Variants in TBCD observed in about 807,000 individuals in gnomAD.
TBCD encodes the protein tubulin folding cofactor D.
TBCD carries 105 observed loss-of-function variants against 169.3 expected under a neutral mutation model. The ratio of observed to expected loss-of-function variants is 0.62; its 90% confidence interval spans 0.53 to 0.73. The LOEUF is 0.73. TBCD is among the 30% of genes least tolerant of loss of function. The probability of loss-of-function intolerance (pLI) is 0.00; values close to 1 mark genes in which losing one functional copy is unlikely to be tolerated. For synonymous variants in TBCD, 700 were observed against 643.9 expected, an observed-to-expected ratio of 1.09 and a Z score of -1.32; for missense variants, 1,444 against 1,600.1, an observed-to-expected ratio of 0.90 and a Z score of 1.66.
At chr17:82,932,934 C>T in intron 34 of TBCD, 199 bp downstream of exon 34, 1 of 603,564 alleles carries the variant, frequency 1.7e-6, no homozygotes, top group South Asian at 2.0e-5. Flanking sequence ...TACATAATGA[C>T]ATATTATGAC....
At position 82,777,164 on chromosome 17, in the gene TBCD, A is replaced by G. The variant is rs2048652226; in HGVS notation, c.639-4425A>G. On this transcript the variant is annotated intron_variant, in intron 6 of 38. Coordinates refer to ENST00000355528, the MANE Select transcript of TBCD (RefSeq NM_005993.5). Reference sequence around the variant, plus strand: ...TGCAGTCTTATTAAGAGATTTAACAAGTAGTCATTTATATTTTTCTCTACC... The same window carrying G: ...TGCAGTCTTATTAAGAGATTTAACAGGTAGTCATTTATATTTTTCTCTACC... Among the ~76,000 whole-genome samples, 3 of 152,222 alleles carry G rather than the reference A, an allele frequency of 2.0e-5. No individual in the cohort carries two copies. In the South Asian group the frequency reaches 6.2e-4, roughly 32 times the overall value.
At chr17:82,786,792 A>G (rs559596624) in intron 7 of TBCD, among the ~76,000 whole-genome samples, 1 of 144,120 alleles carries the variant, frequency 6.9e-6, no homozygotes, top group South Asian at 2.2e-4. Context: ...CTAGTTCTGC[A>G]GTTTCTTTGT....
chr17:82,856,218 T>C lies in TBCD; in HGVS notation c.1319-14006T>C, dbSNP rs534230487. ...CTAAACTCACCAGCTTAAAATCATATGGTAGAATTTTACTCAACATACATC... is the reference window on the plus strand; with the variant it reads ...CTAAACTCACCAGCTTAAAATCATACGGTAGAATTTTACTCAACATACATC... On this transcript the variant is annotated intron_variant, in intron 13 of 38. Transcript: ENST00000355528. 2.5e-4 allele frequency among the ~76,000 whole-genome samples: 38 copies of C among 151,974 alleles called. 1 individual carries two copies. Among genetic ancestry groups the C allele is most frequent in the African/African-American group, 7.5e-4 (31 of 41,502 alleles).
At chr17:82,917,113 G>A (rs1324166902) in intron 23 of TBCD, among the ~76,000 whole-genome samples, 2 of 132,410 alleles carry the variant, frequency 1.5e-5, no homozygotes, top group Non-Finnish European at 3.1e-5. Flanking sequence ...TCCGCCTCCC[G>A]GGATTAAGCG....
chr17:82,755,591 G>A (rs1475196895), intron 1 of TBCD, among the ~76,000 whole-genome samples: 3 of 152,124 alleles, frequency 2.0e-5, no homozygotes, highest in Admixed American at 6.6e-5. Flanking sequence ...GAATTCCAAC[G>A]AGAGGAGGGT....
rs1405494641 is a variant in TBCD at position 82,924,993 on chromosome 17, G to T, written c.2315G>T (p.Arg772Leu). ...AELRNPEEMT[R>L]CGFSLALGAL... ...CTTCGGAACCCCGAGGAGATGACTC[G>T]CTGTGGCTTCTCGTTGGCCTTGGGC... The change falls in exon 27 of 39, where the codon CGC becomes CTC. Residue 772 changes from arginine to leucine, a missense_variant. Coordinates refer to ENST00000355528, the MANE Select transcript of TBCD (RefSeq NM_005993.5). 5 of 1,575,518 alleles carry T rather than the reference G, an allele frequency of 3.2e-6. No individual in the cohort carries two copies. Among genetic ancestry groups the T allele is most frequent in the Middle Eastern group, 1.7e-4 (1 of 6,040 alleles).
Position 82,833,948 on chromosome 17 carries a change from G to GTTT in TBCD, c.1318+19017_1318+19019dup, listed in dbSNP as rs141969015. ...ACGCCCAAGGCTGAGAACAAAGGCT[G>GTTT]TTTTTCTTTTTTTGAGACAGAGTTT... is the stretch of plus-strand genomic sequence containing the variant. On this transcript the variant is annotated intron_variant, in intron 13 of 38. Coordinates refer to ENST00000355528, the MANE Select transcript of TBCD (RefSeq NM_005993.5). The surrounding 1 kb of genome is among the most constrained non-coding windows in gnomAD (Gnocchi z 4.7). Among the ~76,000 whole-genome samples, 1 of 148,260 alleles carries GTTT rather than the reference G, an allele frequency of 6.7e-6. No homozygotes were observed.
At chr17:82,877,859 A>G (rs886394500) in intron 14 of TBCD, among the ~76,000 whole-genome samples, 7 of 152,216 alleles carry the variant, frequency 4.6e-5, no homozygotes, top group Non-Finnish European at 1.0e-4. Flanking sequence ...TAGAGAGGAA[A>G]ATGGAGTGCT....
intron 9 of TBCD, among the ~76,000 whole-genome samples, chr17:82,801,825 G>A (rs563253124): frequency 0.019 from 2,744 of 147,654 alleles, 77 homozygotes; most frequent in African/African-American, 0.066. Flanking sequence ...GCAGGAGGGC[G>A]GCGTGTGCGT....
At chr17:82,772,595 T>G in intron 6 of TBCD, 88 bp downstream of exon 6, 1 of 1,393,878 alleles carries the variant, frequency 7.2e-7, no homozygotes, top group Non-Finnish European at 1.0e-6. Flanking sequence ...GCGTCTTCAG[T>G]CCTCAGACGA....
At chr17:82,772,905 A>G (rs1290752847) in intron 6 of TBCD, among the ~76,000 whole-genome samples, 2 of 152,168 alleles carry the variant, frequency 1.3e-5, no homozygotes, top group Admixed American at 6.5e-5. Context: ...AAATCCCCCA[A>G]CGTCCTGTAT....
At position 82,923,533 on chromosome 17, in the gene TBCD, G is replaced by A; in HGVS notation, c.2179-119G>A. On this transcript the variant is annotated intron_variant, in intron 25 of 38. Transcript: ENST00000355528. This position sits in a 1 kb window ranked among gnomAD's most constrained non-coding sequence, Gnocchi z 4.6. ...CAGGCAGGGGCTGCTCTGACCTCAG[G>A]GTGACCACGGTGTCCCTGGTCAGGT... 1.2e-6 allele frequency: 1 copy of A among 818,324 alleles called. No individual in the cohort carries two copies. Among genetic ancestry groups the A allele is most frequent in the Non-Finnish European group, 2.0e-6 (1 of 508,726 alleles). 50.7% of individuals were successfully genotyped at this position (818,324 alleles called of 1,614,324 possible). A position where few individuals can be genotyped will look rare whatever the true frequency, so the allele number is the denominator to read the frequency against.
chr17:82,853,865 T>G (rs2056025496), intron 13 of TBCD, among the ~76,000 whole-genome samples: 1 of 152,224 alleles, frequency 6.6e-6, no homozygotes, highest in Admixed American at 6.5e-5. Flanking sequence ...TTGGGTGTCT[T>G]TGTCTTATTA....
At chr17:82,887,193 G>A (rs920447031) in intron 15 of TBCD, among the ~76,000 whole-genome samples, 18 of 147,254 alleles carry the variant, frequency 1.2e-4, no homozygotes, top group African/African-American at 3.3e-4. Context: ...GTGCGCTCAC[G>A]CGTTTACTTC....
chr17:82,930,767 C>T lies in TBCD; in HGVS notation c.3113+124C>T. 6.9e-7 allele frequency: 1 copy of T among 1,451,232 alleles called. No individual in the cohort carries two copies. The highest frequency in any genetic ancestry group is 9.3e-7 in the Non-Finnish European group (1 of 1,072,420). 89.9% of individuals were successfully genotyped at this position (1,451,232 alleles called of 1,614,324 possible). A position where few individuals can be genotyped will look rare whatever the true frequency, so the allele number is the denominator to read the frequency against. On this transcript the variant is annotated intron_variant, in intron 33 of 38. Coordinates refer to ENST00000355528, the MANE Select transcript of TBCD (RefSeq NM_005993.5). The surrounding 1 kb of genome is among the most constrained non-coding windows in gnomAD (Gnocchi z 5.2). ...TCTGAAGGGAGAAGCGAGACACACG[C>T]TGTACCAGTTGGTGGCTCAGCGAGG...
chr17:82,830,544 A>G (rs374328487), intron 13 of TBCD: 24 of 1,614,012 alleles, frequency 1.5e-5, no homozygotes, highest in Non-Finnish European at 1.7e-5. Context: ...GCCCATCCTC[A>G]GAACCTTCTG....
chr17:82,752,298 G>A lies in TBCD; in HGVS notation c.105G>A (p.Glu35=), dbSNP rs1343661192. The A allele has an allele frequency of 2.6e-6, 4 of 1,509,582 alleles. No individual in the cohort carries two copies. The highest frequency in any genetic ancestry group is 3.5e-6 in the Non-Finnish European group (4 of 1,135,862). The allele number at this position is 1,509,582 out of a possible 1,614,324, so 93.5% of individuals were successfully genotyped here. The change falls in exon 1 of 39, where the codon GAG becomes GAA. Residue 35 remains glutamate (E), a synonymous_variant. Coordinates refer to ENST00000355528, the MANE Select transcript of TBCD (RefSeq NM_005993.5). The part of the protein sequence containing the change: ...AALEAFGESA[E]TRALLGRLRE... ...TGGAAGCGTTCGGCGAGAGCGCGGA[G>A]ACCCGGGCGCTGCTGGGCCGCCTGC...
At position 82,884,082 on chromosome 17, in the gene TBCD, T is replaced by C; in HGVS notation, c.1476-63T>C. 6.8e-7 allele frequency: 1 copy of C among 1,476,020 alleles called. No individual in the cohort carries two copies. Among genetic ancestry groups the C allele is most frequent in the Non-Finnish European group, 9.3e-7 (1 of 1,077,056 alleles). The allele number at this position is 1,476,020 out of a possible 1,614,324, so 91.4% of individuals were successfully genotyped here. A position where few individuals can be genotyped will look rare whatever the true frequency, so the allele number is the denominator to read the frequency against. On this transcript the variant is annotated intron_variant, in intron 14 of 38. Coordinates refer to ENST00000355528, the MANE Select transcript of TBCD (RefSeq NM_005993.5). This position sits in a 1 kb window ranked among gnomAD's most constrained non-coding sequence, Gnocchi z 4.2. ...CGTGAGAGAAAGGCTTTCTCATCGATACTGTGTGGTCTGTACTGTTTTGCA... is the reference window on the plus strand; with the variant it reads ...CGTGAGAGAAAGGCTTTCTCATCGACACTGTGTGGTCTGTACTGTTTTGCA...
rs1567888636 is a variant in TBCD at position 82,850,342 on chromosome 17, G to GTTGTTGGCTGTC, written c.1319-19882_1319-19881insTTGTTGGCTGTC. ...TGTTGGCTGTGCTGTTGTTGGCTGT[G>GTTGTTGGCTGTC]CTGTTGTTGGCTGTCCTGTTGTTGG... On this transcript the variant is annotated intron_variant, in intron 13 of 38. Coordinates refer to ENST00000355528, the MANE Select transcript of TBCD (RefSeq NM_005993.5). Among the ~76,000 whole-genome samples the GTTGTTGGCTGTC allele has an allele frequency of 1.3e-4, 13 of 101,190 alleles. No individual in the cohort carries two copies. In the South Asian group the frequency reaches 1.6e-3, roughly 12 times the overall value. 66.4% of individuals were successfully genotyped at this position (101,190 alleles called of 152,430 possible).
Sources: gnomAD v4.1 joint callset for allele counts (sites outside exome capture counted in the v4.1 genomes callset) on GRCh38, gnomAD v4.1.1 for gene constraint, Gnocchi (gnomAD v3.1) non-coding constraint, MANE v1.5 for transcripts, NCBI Gene and HGNC (gene_info 2026-07-23, HGNC 2026-07-21) for gene names.